Variants in SMG6 observed in about 807,000 individuals in gnomAD.
SMG6 encodes the protein telomerase-binding protein EST1A.
Under a neutral mutation model 142.2 loss-of-function variants are expected in SMG6, and 66 were observed. That is an observed-to-expected ratio of 0.46 (90% CI 0.38 to 0.57). SMG6 has a LOEUF of 0.57. Ranked by LOEUF, SMG6 falls within the 20% of genes least tolerant of loss-of-function variation. SMG6 has a pLI of 0.00. For synonymous variants in SMG6, 779 were observed against 702.4 expected (o/e 1.11, Z -1.72); for missense variants, 1,793 against 1,832.0 (o/e 0.98, Z 0.39).
At chr17:2,123,672 G>C (rs867396837) in intron 13 of SMG6, among the ~76,000 whole-genome samples, 6 of 152,330 alleles carry the variant, frequency 3.9e-5, no homozygotes, top group Middle Eastern at 6.8e-3. Flanking sequence ...TCCCAGGGAA[G>C]AGAATGGAGA....
intron 8 of SMG6, among the ~76,000 whole-genome samples, chr17:2,247,821 T>C (rs1209637506): frequency 2.0e-5 from 3 of 150,762 alleles, no homozygotes; most frequent in African/African-American, 7.3e-5. Context: ...AGGCCAGGCA[T>C]GGTGGCTTAC....
intron 13 of SMG6, among the ~76,000 whole-genome samples, chr17:2,099,216 C>G (rs2068940875): frequency 1.3e-5 from 2 of 152,028 alleles, no homozygotes; most frequent in Non-Finnish European, 2.9e-5. Context: ...GTCAATCATG[C>G]TCCCCGAAGC....
chr17:2,070,834 A>G (rs1390812360), intron 15 of SMG6, among the ~76,000 whole-genome samples: 1 of 152,056 alleles, frequency 6.6e-6, no homozygotes, highest in Non-Finnish European at 1.5e-5. Flanking sequence ...GACCCTCTAC[A>G]TAGGGCTGCC....
intron 12 of SMG6, among the ~76,000 whole-genome samples, chr17:2,176,807 A>G (rs1310263072): frequency 2.6e-5 from 4 of 152,230 alleles, no homozygotes; most frequent in African/African-American, 9.6e-5. Flanking sequence ...ACCAGCAGTG[A>G]CTAGTTACAA....
rs773512376 is a variant in SMG6, at chr17:2,087,144, G to A, written c.3358-1243C>T. Reference sequence around the variant, plus strand: ...TCTCATGTGGACAGCAACCCCTCTGGTGGCAAAGCCTAAATCTCATCGTTT... The same window carrying A: ...TCTCATGTGGACAGCAACCCCTCTGATGGCAAAGCCTAAATCTCATCGTTT... On this transcript the variant is annotated intron_variant, in intron 13 of 18. Transcript: ENST00000263073. The A allele has an allele frequency of 3.9e-6, 5 of 1,290,384 alleles. No homozygotes were observed. The South Asian group carries it at 6.2e-5, about 16-fold the overall frequency. The allele number at this position is 1,290,384 out of a possible 1,614,324, so 79.9% of individuals were successfully genotyped here.
In SMG6 at chr17:2,264,197, G is replaced by A. The variant is rs541410093; in HGVS notation, c.2661+18450C>T. On this transcript the variant is annotated intron_variant, in intron 8 of 18. Coordinates refer to ENST00000263073, the MANE Select transcript of SMG6 (RefSeq NM_017575.5). ...CACAGACCACAAGCTGGATCCTAAGGGACGATTTATAGTACCCCCTCACGT... is the reference window on the plus strand; with the variant it reads ...CACAGACCACAAGCTGGATCCTAAGAGACGATTTATAGTACCCCCTCACGT... Among the ~76,000 whole-genome samples, 6 of 152,208 alleles carry A rather than the reference G, an allele frequency of 3.9e-5. No individual in the cohort carries two copies. The East Asian group carries it at 9.6e-4, about 24-fold the overall frequency.
At chr17:2,145,605 C>G (rs1484307555) in intron 13 of SMG6, among the ~76,000 whole-genome samples, 1 of 136,134 alleles carries the variant, frequency 7.3e-6, no homozygotes, top group Admixed American at 7.9e-5. Flanking sequence ...CGCGCCACTG[C>G]ACTCCAGCCT....
intron 13 of SMG6, chr17:2,127,816 T>A (rs1348428601): frequency 1.8e-6 from 1 of 549,604 alleles, no homozygotes; most frequent in African/African-American, 1.9e-5. Context: ...AATCATATCG[T>A]TTTTCACATT....
intron 10 of SMG6, chr17:2,200,050 T>C (rs2072468096): frequency 1.3e-5 from 2 of 151,602 alleles, no homozygotes; most frequent in African/African-American, 4.8e-5. Context: ...GCCTCCCGAG[T>C]AGCTGGAATT....
chr17:2,293,962 T>G (rs1195326668), intron 4 of SMG6, among the ~76,000 whole-genome samples: 1 of 152,104 alleles, frequency 6.6e-6, no homozygotes, highest in Non-Finnish European at 1.5e-5. Flanking sequence ...GAAAACAGAG[T>G]AAACCAATCC....
chr17:2,073,528 G>A (rs1263565047), intron 15 of SMG6, among the ~76,000 whole-genome samples: 2 of 151,200 alleles, frequency 1.3e-5, no homozygotes. Flanking sequence ...GGCCAACATC[G>A]CGGAACCCCG....
At chr17:2,084,043 C>T (rs184838021) in intron 14 of SMG6, among the ~76,000 whole-genome samples, 1 of 152,350 alleles carries the variant, frequency 6.6e-6, no homozygotes, top group East Asian at 1.9e-4. Context: ...CCAGAGAAGT[C>T]ATCTGTTCCT....
Position 2,244,729 on chromosome 17 carries a change from A to G in SMG6, c.2662-10T>C, listed in dbSNP as rs766053760. On this transcript the variant is annotated splice_polypyrimidine_tract_variant and intron_variant, in intron 8 of 18. Coordinates refer to ENST00000263073, the MANE Select transcript of SMG6 (RefSeq NM_017575.5). ...TGAACCTTTTGTTCAGCTGCATGGG[A>G]AAAAGGGAGAGGAGAAAACAATTAA... The G allele has an allele frequency of 6.2e-7, 1 of 1,606,702 alleles. No homozygotes were observed. Among genetic ancestry groups the G allele is most frequent in the Admixed American group, 1.7e-5 (1 of 59,964 alleles).
At chr17:2,295,068 G>A (rs556717501) in intron 4 of SMG6, among the ~76,000 whole-genome samples, 13 of 152,194 alleles carry the variant, frequency 8.5e-5, no homozygotes, top group African/African-American at 2.9e-4. Context: ...GTAGAGAGGG[G>A]GTTTCGCCAT....
intron 8 of SMG6, among the ~76,000 whole-genome samples, chr17:2,275,082 A>T (rs1477133612): frequency 6.6e-6 from 1 of 151,684 alleles, no homozygotes; most frequent in Non-Finnish European, 1.5e-5. Flanking sequence ...CTTTTTAATT[A>T]TGTCACTGAG....
chr17:2,081,985 A>T, intron 14 of SMG6, 29 bp from the exon 15 acceptor site: 2 of 1,613,200 alleles, frequency 1.2e-6, no homozygotes, highest in East Asian at 4.5e-5. Flanking sequence ...ACCAGGACAA[A>T]GAGGAGACAG....
At chr17:2,182,112 T>G (rs977019170) in intron 12 of SMG6, among the ~76,000 whole-genome samples, 1 of 152,208 alleles carries the variant, frequency 6.6e-6, no homozygotes. Context: ...GGACACTCAG[T>G]GACCCTTGTG....
rs138528534 is a variant in SMG6 at position 2,147,218 on chromosome 17, C to T, written c.3357+25440G>A. On this transcript the variant is annotated intron_variant, in intron 13 of 18. Transcript: ENST00000263073. ...GACCAGCCTGGCCAACATGGTGAAA[C>T]CCTGTCTCTACTAAAAATACAAAAA... is the stretch of plus-strand genomic sequence containing the variant. 1.7e-3 allele frequency among the ~76,000 whole-genome samples: 253 copies of T among 152,132 alleles called. 2 individuals are homozygous for T. The highest frequency in any genetic ancestry group is 5.8e-3 in the African/African-American group (241 of 41,498).
At chr17:2,167,072 C>T (rs2071360893) in intron 13 of SMG6, among the ~76,000 whole-genome samples, 1 of 122,806 alleles carries the variant, frequency 8.1e-6, no homozygotes, top group Admixed American at 1.1e-4. Flanking sequence ...AGAGGGGGTG[C>T]AGTGAGCCGA....
Sources: allele counts gnomAD v4.1 joint callset (sites outside exome capture counted in the v4.1 genomes callset), GRCh38; gene constraint gnomAD v4.1.1; transcripts MANE v1.5; gene names NCBI Gene and HGNC (gene_info 2026-07-23, HGNC 2026-07-21).